Variants in RPSA2 observed in about 807,000 individuals in gnomAD.
The protein encoded by RPSA2 is small ribosomal subunit protein uS2B.
At chr19:23,861,864 G>A in the RPSA2 span, among the ~76,000 whole-genome samples, 1 of 152,076 alleles carries the variant, frequency 6.6e-6, no homozygotes, top group Non-Finnish European at 1.5e-5. Context: ...CTTTTCCCTT[G>A]ATGTGCCTAA....
At chr19:23,811,733 A>G in the RPSA2 span, among the ~76,000 whole-genome samples, 1 of 152,166 alleles carries the variant, frequency 6.6e-6, no homozygotes, top group Non-Finnish European at 1.5e-5. Flanking sequence ...AAATAATAAC[A>G]TAGTTTATTT....
the RPSA2 span, chr19:23,831,831 T>A: frequency 3.4e-6 from 1 of 293,600 alleles, no homozygotes; most frequent in African/African-American, 2.3e-5. Flanking sequence ...TTGAAAGTCC[T>A]TTATAAATTT....
the RPSA2 span, among the ~76,000 whole-genome samples, chr19:23,790,088 C>T: frequency 6.6e-6 from 1 of 151,950 alleles, no homozygotes; most frequent in Non-Finnish European, 1.5e-5. Flanking sequence ...CAACCTCTAC[C>T]TCCCGGGTTG....
chr19:23,766,140 T>G, the RPSA2 span, among the ~76,000 whole-genome samples: 1 of 70,120 alleles, frequency 1.4e-5, no homozygotes, highest in East Asian at 5.8e-4. Context: ...GATATTTCAT[T>G]TCCTTTTTTT....
chr19:23,761,932 T>TCCTTCCTTCCTTCCTTC, the RPSA2 span, among the ~76,000 whole-genome samples: 2 of 53,040 alleles, frequency 3.8e-5, no homozygotes, highest in Non-Finnish European at 3.3e-5. Context: ...TTTTTTTTTT[T>TCCTTCCTTCCTTCCTTC]TTTGAGATGG....
chr19:23,839,806 G>A, the RPSA2 span, among the ~76,000 whole-genome samples: 1 of 152,176 alleles, frequency 6.6e-6, no homozygotes, highest in African/African-American at 2.4e-5. Context: ...CTGAACCCCT[G>A]TATTTCACTC....
chr19:23,760,745 A>C, the RPSA2 span, among the ~76,000 whole-genome samples: 6 of 148,468 alleles, frequency 4.0e-5, no homozygotes, highest in Non-Finnish European at 5.9e-5. Context: ...GCTCACTGCA[A>C]CCTCTGCCTC....
the RPSA2 span, among the ~76,000 whole-genome samples, chr19:23,792,567 C>CTG: frequency 1.3e-5 from 2 of 151,026 alleles, no homozygotes; most frequent in East Asian, 1.9e-4. Context: ...AAAGTAGCAA[C>CTG]TAAGTTTTTT....
At chr19:23,858,648 G>A in the RPSA2 span, among the ~76,000 whole-genome samples, 4 of 152,196 alleles carry the variant, frequency 2.6e-5, no homozygotes, top group Non-Finnish European at 2.9e-5. Context: ...AACCAAGGTG[G>A]AAGCTTGCAT....
chr19:23,866,018 C>A, the RPSA2 span, among the ~76,000 whole-genome samples: 1 of 152,088 alleles, frequency 6.6e-6, no homozygotes, highest in Non-Finnish European at 1.5e-5. Context: ...TGTGTGCAGA[C>A]CAGGCTAGGC....
the RPSA2 span, among the ~76,000 whole-genome samples, chr19:23,831,389 A>C: frequency 6.6e-6 from 1 of 152,150 alleles, no homozygotes; most frequent in African/African-American, 2.4e-5. Flanking sequence ...AACACTGCAC[A>C]CACTTATTTA....
chr19:23,778,995 C>T, the RPSA2 span, among the ~76,000 whole-genome samples: 12 of 80,696 alleles, frequency 1.5e-4, no homozygotes, highest in Admixed American at 4.3e-4. Context: ...TTTTGTGACA[C>T]TTTTTTTTTT....
At chr19:23,860,400 T>C in the RPSA2 span, among the ~76,000 whole-genome samples, 1 of 152,186 alleles carries the variant, frequency 6.6e-6, no homozygotes. Flanking sequence ...CACATTCTTC[T>C]ACTCCACATG....
the RPSA2 span, among the ~76,000 whole-genome samples, chr19:23,815,676 A>G: frequency 6.6e-6 from 1 of 152,274 alleles, no homozygotes; most frequent in East Asian, 1.9e-4. Context: ...ACGGTCTGCA[A>G]TGTCGTCTAG....
chr19:23,830,229 C>T, the RPSA2 span, among the ~76,000 whole-genome samples: 9,505 of 152,284 alleles, frequency 0.062, 428 homozygotes, highest in Non-Finnish European at 0.097. Context: ...ACTGCAACCT[C>T]CACTTCCCAG....
At chr19:23,851,852 T>C in the RPSA2 span, among the ~76,000 whole-genome samples, 1 of 152,216 alleles carries the variant, frequency 6.6e-6, no homozygotes, top group African/African-American at 2.4e-5. Flanking sequence ...TGATTGTCAA[T>C]AACGCTGATA....
chr19:23,798,077 C>T, the RPSA2 span, among the ~76,000 whole-genome samples: 7 of 151,320 alleles, frequency 4.6e-5, no homozygotes, highest in East Asian at 7.7e-4. Flanking sequence ...TTTTTACTCA[C>T]GATTGTCTTT....
the RPSA2 span, among the ~76,000 whole-genome samples, chr19:23,791,011 C>T: frequency 1.3e-5 from 2 of 152,236 alleles, no homozygotes; most frequent in African/African-American, 2.4e-5. Context: ...CTGGAGCCCT[C>T]TCTGGGCAGC....
At chr19:23,826,641 A>G in the RPSA2 span, among the ~76,000 whole-genome samples, 55,057 of 151,894 alleles carry the variant, frequency 0.36, 10,647 homozygotes, top group East Asian at 0.53. Flanking sequence ...TTATATTTAT[A>G]GTTGGTAGAA....
Sources: allele counts gnomAD v4.1 joint callset (sites outside exome capture counted in the v4.1 genomes callset), GRCh38; gene constraint gnomAD v4.1.1; transcripts MANE v1.5; gene names NCBI Gene and HGNC (gene_info 2026-07-23, HGNC 2026-07-21).